LMBR1: variants seen among roughly 807,000 people sequenced by gnomAD.
The protein encoded by LMBR1 is limb development membrane protein 1.
LMBR1 carries 52 observed loss-of-function variants against 73.9 expected under a neutral mutation model. The ratio of observed to expected loss-of-function variants is 0.70; its 90% CI spans 0.56 to 0.89. The LOEUF (loss-of-function observed/expected upper bound fraction) is 0.89, where lower values mean the gene tolerates loss of function less well. Among genes scored for constraint, LMBR1 ranks in the 40% least tolerant of loss-of-function variants. The probability of loss-of-function intolerance (pLI) is 0.00; values close to 1 mark genes in which losing one functional copy is unlikely to be tolerated. For synonymous variants in LMBR1, 215 were observed against 209.4 expected (o/e 1.03, Z -0.23); for missense variants, 539 against 579.8 (o/e 0.93, Z 0.72).
downstream of LMBR1, among the ~76,000 whole-genome samples, chr7:156,674,850 G>C (rs888191565): frequency 1.3e-5 from 2 of 152,198 alleles, no homozygotes; most frequent in African/African-American, 2.4e-5. Flanking sequence ...CTCACAGTAT[G>C]TTTCTATGGG....
chr7:156,736,797 T>C (rs1817955036), intron 9 of LMBR1, among the ~76,000 whole-genome samples: 1 of 152,228 alleles, frequency 6.6e-6, no homozygotes, highest in African/African-American at 2.4e-5. Context: ...TTAACATTCT[T>C]CCCACCCCTA....
chr7:156,884,935 G>T (rs1801641490), intron 1 of LMBR1, among the ~76,000 whole-genome samples: 1 of 152,216 alleles, frequency 6.6e-6, no homozygotes, highest in Non-Finnish European at 1.5e-5. Context: ...GTAGAAAACA[G>T]CAGGTAAACT....
intron 9 of LMBR1, among the ~76,000 whole-genome samples, chr7:156,749,700 GT>G (rs1302183826): frequency 1.3e-5 from 2 of 151,674 alleles, no homozygotes; most frequent in African/African-American, 4.8e-5. Context: ...GGACTTTTTC[GT>G]TTTTTTTAGA....
At chr7:156,778,744 T>C (rs1244477848) in intron 5 of LMBR1, among the ~76,000 whole-genome samples, 2 of 152,258 alleles carry the variant, frequency 1.3e-5, no homozygotes, top group Non-Finnish European at 2.9e-5. Context: ...ACAGCCTTTA[T>C]GGCATGCCAT....
chr7:156,820,832 G>C (rs1452045208), intron 4 of LMBR1, among the ~76,000 whole-genome samples: 2 of 152,214 alleles, frequency 1.3e-5, no homozygotes, highest in Admixed American at 1.3e-4. Flanking sequence ...CTCTGTGCAG[G>C]CTGCTCTGCC....
At chr7:156,692,789 T>C (rs1364952562) in intron 15 of LMBR1, among the ~76,000 whole-genome samples, 1 of 152,208 alleles carries the variant, frequency 6.6e-6, no homozygotes, top group African/African-American at 2.4e-5. Context: ...GACCAGTGTA[T>C]GCTTGTGGGG....
rs138350916 is a variant in LMBR1, at chr7:156,840,460, T to C, written c.67-3575A>G. Among the ~76,000 whole-genome samples, 909 of 152,122 alleles carry C rather than the reference T, an allele frequency of 6.0e-3. 4 individuals are homozygous for C. Among genetic ancestry groups the C allele is most frequent in the Non-Finnish European group, 8.8e-3 (600 of 68,006 alleles). On this transcript the variant is annotated intron_variant, in intron 1 of 16. Transcript: ENST00000353442. ...TAGTGCCAAGGGTCGGAGGCAATAATGGCTCTGGTGTGCTCAAACAATGAG... is the reference window on the plus strand; with the variant it reads ...TAGTGCCAAGGGTCGGAGGCAATAACGGCTCTGGTGTGCTCAAACAATGAG...
At chr7:156,769,703 G>C (rs189770428) in intron 5 of LMBR1, among the ~76,000 whole-genome samples, 106 of 152,318 alleles carry the variant, frequency 7.0e-4, no homozygotes, top group African/African-American at 2.4e-3. Context: ...ATGAGTGCCA[G>C]CAGGTCATTT....
rs1343736459 is a variant in LMBR1, at chr7:156,679,197, G to A, written c.*4881C>T. On this transcript the variant is annotated 3_prime_UTR_variant, in exon 17 of 17. Coordinates refer to ENST00000353442, the MANE Select transcript of LMBR1 (RefSeq NM_022458.4). ...ATGTGTATTTTCGGCTTCGCAAGGT[G>A]GTCCTGGGGGTGACTGTGGGACGAC... The A allele has an allele frequency of 6.6e-6, 1 of 152,110 alleles. No individual in the cohort carries two copies. Among genetic ancestry groups the A allele is most frequent in the Non-Finnish European group, 1.5e-5 (1 of 68,034 alleles). 9.4% of individuals were successfully genotyped at this position (152,110 alleles called of 1,614,324 possible).
chr7:156,891,220 AT>A (rs1563643811), intron 1 of LMBR1, among the ~76,000 whole-genome samples: 1 of 65,226 alleles, frequency 1.5e-5, no homozygotes, highest in Non-Finnish European at 3.2e-5. Flanking sequence ...AAATATATAT[AT>A]ATATATATAT....
At chr7:156,873,654 C>A (rs549937627) in intron 1 of LMBR1, among the ~76,000 whole-genome samples, 2,364 of 152,276 alleles carry the variant, frequency 0.016, 51 homozygotes, top group African/African-American at 0.053. Context: ...AGAGTTTCCA[C>A]ACACAGGTTC....
chr7:156,763,747 C>CT lies in LMBR1; in HGVS notation c.471_472insA (p.Ala158SerfsTer16), dbSNP rs773513399. 6.2e-7 allele frequency: 1 copy of CT among 1,605,382 alleles called. No homozygotes were observed. The highest frequency in any genetic ancestry group is 1.1e-5 in the South Asian group (1 of 89,246). ...CACACTATCCCAAGAATGAGTAACG[C>CT]AAGAAGAAGAAGCATGACCAAAGTC... is the stretch of plus-strand genomic sequence containing the variant. On this transcript the variant is annotated frameshift_variant, in exon 6 of 17. Coordinates refer to ENST00000353442, the MANE Select transcript of LMBR1 (RefSeq NM_022458.4). LOFTEE classifies it high-confidence loss of function.
chr7:156,799,530 T>C (rs1830591747), intron 4 of LMBR1, among the ~76,000 whole-genome samples: 2 of 151,926 alleles, frequency 1.3e-5, no homozygotes, highest in African/African-American at 2.4e-5. Context: ...ATTGTGTGTG[T>C]TGACTGCACC....
intron 5 of LMBR1, among the ~76,000 whole-genome samples, chr7:156,793,585 G>T (rs1829596866): frequency 6.6e-6 from 1 of 152,114 alleles, no homozygotes; most frequent in Non-Finnish European, 1.5e-5. Context: ...TAATCTGTGA[G>T]GAATTAAAAG....
chr7:156,836,515 A>G (rs1837668395), intron 2 of LMBR1, among the ~76,000 whole-genome samples: 1 of 152,212 alleles, frequency 6.6e-6, no homozygotes, highest in Non-Finnish European at 1.5e-5. Flanking sequence ...AGCCGCTCAC[A>G]AGGAACCAAA....
downstream of LMBR1, chr7:156,676,825 T>G (rs1458609238): frequency 1.7e-6 from 1 of 592,012 alleles, no homozygotes; most frequent in Non-Finnish European, 3.0e-6. Context: ...ACATCCCACC[T>G]AATTTTAATC....
At chr7:156,788,877 G>A (rs903815631) in intron 5 of LMBR1, among the ~76,000 whole-genome samples, 2 of 152,074 alleles carry the variant, frequency 1.3e-5, no homozygotes, top group East Asian at 1.9e-4. Context: ...GTGAAACCTC[G>A]TCTCTATTAA....
intron 15 of LMBR1, among the ~76,000 whole-genome samples, chr7:156,714,408 C>A (rs1312766795): frequency 6.6e-6 from 1 of 152,098 alleles, no homozygotes; most frequent in Non-Finnish European, 1.5e-5. Flanking sequence ...TCGCAGTAAA[C>A]AAAGCAATGT....
At position 156,786,229 on chromosome 7, in the gene LMBR1, A is replaced by AGAAGGAG. The variant is rs368105259; in HGVS notation, c.423+10153_423+10159dup. 3.2e-3 allele frequency among the ~76,000 whole-genome samples: 437 copies of AGAAGGAG among 138,710 alleles called. 2 individuals carry two copies. Among genetic ancestry groups the AGAAGGAG allele is most frequent in the East Asian group, 0.024 (108 of 4,480 alleles). 91.0% of individuals were successfully genotyped at this position (138,710 alleles called of 152,430 possible). On this transcript the variant is annotated intron_variant, in intron 5 of 16. Transcript: ENST00000353442. ...GAAGGGAAGGAAGGAGGAAGGGAAG[A>AGAAGGAG]GAAGGAGGAAGGAGGAAGGAGGAAG...
Sources: allele counts gnomAD v4.1 joint callset (sites outside exome capture counted in the v4.1 genomes callset), GRCh38; gene constraint gnomAD v4.1.1; transcripts MANE v1.5; gene names NCBI Gene and HGNC (gene_info 2026-07-23, HGNC 2026-07-21).